GABRB1: variants seen among roughly 807,000 people sequenced by gnomAD.
The protein encoded by GABRB1 is gamma-aminobutyric acid type A receptor subunit beta1.
A neutral mutation model predicts 51.6 loss-of-function variants in GABRB1; 17 were observed. The ratio of observed to expected loss-of-function variants is 0.33; its 90% CI spans 0.23 to 0.49. GABRB1 has a LOEUF of 0.49. Ranked by LOEUF, GABRB1 falls within the 20% of genes least tolerant of loss-of-function variation. The pLI is 0.99. For missense variants in GABRB1, 410 were observed against 600.6 expected, an observed-to-expected ratio of 0.68 and a Z score of 3.32; for synonymous variants, 247 against 218.9, an observed-to-expected ratio of 1.13 and a Z score of -1.14.
At chr4:47,163,587 G>A (rs1718053039) in intron 4 of GABRB1, among the ~76,000 whole-genome samples, 1 of 151,992 alleles carries the variant, frequency 6.6e-6, no homozygotes. Context: ...CCTATTGAGT[G>A]CTATATTCAT....
chr4:47,100,023 AG>A, intron 3 of GABRB1, among the ~76,000 whole-genome samples: 1 of 152,158 alleles, frequency 6.6e-6, no homozygotes, highest in Middle Eastern at 3.4e-3. Context: ...AAAGAAAAAA[AG>A]ATTGTGTATT....
chr4:47,043,402 T>A (rs562301396), intron 3 of GABRB1: 26 of 152,074 alleles, frequency 1.7e-4, no homozygotes, highest in African/African-American at 5.3e-4. Context: ...TTGCATAAAG[T>A]TTGGAAGGAA....
intron 3 of GABRB1, among the ~76,000 whole-genome samples, chr4:47,157,957 A>T (rs1380738316): frequency 6.6e-6 from 1 of 152,120 alleles, no homozygotes; most frequent in East Asian, 1.9e-4. Flanking sequence ...TAACTTCTAT[A>T]GCAAATTGGG....
intron 3 of GABRB1, among the ~76,000 whole-genome samples, chr4:47,054,911 T>G (rs1369236089): frequency 2.6e-5 from 4 of 152,186 alleles, no homozygotes; most frequent in African/African-American, 7.2e-5. Context: ...TTTTTAAAGT[T>G]GTCATTTCAT....
At chr4:47,409,395 G>T (rs1333371128) in intron 8 of GABRB1, among the ~76,000 whole-genome samples, 2 of 152,168 alleles carry the variant, frequency 1.3e-5, no homozygotes, top group Non-Finnish European at 2.9e-5. Context: ...CTGGAAAGAG[G>T]CTGGAGTGGG....
intron 4 of GABRB1, among the ~76,000 whole-genome samples, chr4:47,318,079 G>T (rs941445440): frequency 6.6e-6 from 1 of 151,932 alleles, no homozygotes; most frequent in African/African-American, 2.4e-5. Context: ...TTTAAAGATA[G>T]GCAGATTGAG....
intron 3 of GABRB1, among the ~76,000 whole-genome samples, chr4:47,096,379 G>A (rs892490417): frequency 1.2e-4 from 18 of 152,120 alleles, no homozygotes; most frequent in African/African-American, 2.4e-5. Flanking sequence ...CAACTAAGCC[G>A]ATCCCTGCAA....
intron 4 of GABRB1, among the ~76,000 whole-genome samples, chr4:47,259,262 A>C (rs1722333299): frequency 6.6e-6 from 1 of 152,148 alleles, no homozygotes. Context: ...CAGCTACCCC[A>C]AAATTCTAAG....
chr4:47,143,806 C>T (rs1717035895), intron 3 of GABRB1, among the ~76,000 whole-genome samples: 1 of 151,792 alleles, frequency 6.6e-6, no homozygotes, highest in African/African-American at 2.4e-5. Context: ...ACATGTCAGG[C>T]CTCCTTTTTG....
chr4:47,032,723 G>T, intron 3 of GABRB1: 2 of 701,762 alleles, frequency 2.8e-6, no homozygotes, highest in Non-Finnish European at 5.3e-6. Context: ...GGAAGGACGA[G>T]TGACTGTTGC....
chr4:47,114,791 T>C (rs1381188548), intron 3 of GABRB1, among the ~76,000 whole-genome samples: 1 of 152,184 alleles, frequency 6.6e-6, no homozygotes, highest in Non-Finnish European at 1.5e-5. Context: ...GAGCCCCTTG[T>C]TCAGAAATTC....
intron 3 of GABRB1, among the ~76,000 whole-genome samples, chr4:47,077,638 T>G (rs1461543183): frequency 6.6e-6 from 1 of 151,470 alleles, no homozygotes; most frequent in Non-Finnish European, 1.5e-5. Context: ...ACACAATCAC[T>G]CAATGAAGAG....
At chr4:47,245,139 T>A (rs184868775) in intron 4 of GABRB1, among the ~76,000 whole-genome samples, 1 of 151,878 alleles carries the variant, frequency 6.6e-6, no homozygotes, top group East Asian at 1.9e-4. Context: ...ATCAAACAGA[T>A]GCAATAAAAA....
At chr4:46,994,269 A>G (rs1041347443) in intron 1 of GABRB1, 2 of 152,008 alleles carry the variant, frequency 1.3e-5, no homozygotes, top group African/African-American at 4.8e-5. Context: ...ACACGCGCAC[A>G]CCCTCCGCTT....
chr4:47,346,087 G>A (rs1409078000), intron 5 of GABRB1, among the ~76,000 whole-genome samples: 3 of 151,228 alleles, frequency 2.0e-5, no homozygotes, highest in Non-Finnish European at 4.4e-5. Context: ...CAATAACAGT[G>A]AGAAGAAAAA....
intron 4 of GABRB1, among the ~76,000 whole-genome samples, chr4:47,205,395 G>A (rs1279057297): frequency 6.6e-6 from 1 of 152,118 alleles, no homozygotes; most frequent in South Asian, 2.1e-4. Context: ...AAAATATGCT[G>A]CTTGTGAGGA....
chr4:47,081,943 A>C (rs1727865484), intron 3 of GABRB1, among the ~76,000 whole-genome samples: 1 of 152,096 alleles, frequency 6.6e-6, no homozygotes, highest in Admixed American at 6.6e-5. Flanking sequence ...CATAAAACAG[A>C]GATGGAATGT....
chr4:47,317,989 C>T (rs569392498), intron 4 of GABRB1, among the ~76,000 whole-genome samples: 36 of 151,986 alleles, frequency 2.4e-4, no homozygotes, highest in South Asian at 2.3e-3. Context: ...TCATAACTTA[C>T]GTAACAAATT....
intron 4 of GABRB1, among the ~76,000 whole-genome samples, chr4:47,257,948 A>T (rs1722279270): frequency 6.6e-6 from 1 of 151,992 alleles, no homozygotes; most frequent in South Asian, 2.1e-4. Context: ...TGGGGAAAAA[A>T]TGAGACCAAA....
Sources: gnomAD v4.1 joint callset for allele counts (sites outside exome capture counted in the v4.1 genomes callset) on GRCh38, gnomAD v4.1.1 for gene constraint, MANE v1.5 for transcripts, NCBI Gene and HGNC (gene_info 2026-07-23, HGNC 2026-07-21) for gene names.